The following MYBPC2 variants were observed in gnomAD, a reference collection of about 807,000 sequenced individuals.
The protein encoded by MYBPC2 is myosin binding protein C2.
MYBPC2 carries 122 observed loss-of-function variants against 137.0 expected under a neutral mutation model. That is an observed-to-expected ratio of 0.89 (90% CI 0.77 to 1.03). The LOEUF is 1.03. Ranked by LOEUF, MYBPC2 falls within the 50% of genes least tolerant of loss-of-function variation. MYBPC2 has a pLI of 0.00. For missense variants in MYBPC2, 1,500 were observed against 1,534.4 expected (o/e 0.98, Z 0.37); for synonymous variants, 626 against 612.3 (o/e 1.02, Z -0.33).
chr19:50,436,486 C>T (rs2039704685), intron 4 of MYBPC2, 131 bp from the exon 5 acceptor site: 7 of 843,194 alleles, frequency 8.3e-6, no homozygotes, highest in Non-Finnish European at 1.3e-5. Flanking sequence ...TGAGACCCCT[C>T]TCGGTCTCCA....
rs368448859 is a variant in MYBPC2, at chr19:50,459,214, G to C, written c.2699G>C (p.Arg900Pro). Residue 900 changes from arginine (R) to proline (P), a missense_variant, in exon 23 of 28, where the codon CGC becomes CCC. Transcript: ENST00000357701. ...TSDFDTVFFV[R>P]QAARSDSGEY... ...GACTTCGACACCGTGTTCTTCGTGC[G>C]CCAGGCGGCCCGCTCCGACTCCGGG... The C allele has an allele frequency of 2.3e-5, 37 of 1,610,718 alleles. No homozygotes were observed. Among genetic ancestry groups the C allele is most frequent in the Non-Finnish European group, 2.3e-5 (27 of 1,179,474 alleles).
chr19:50,461,005 A>AT (rs112521100), intron 24 of MYBPC2, among the ~76,000 whole-genome samples: 10,656 of 127,786 alleles, frequency 0.083, 443 homozygotes, highest in African/African-American at 0.14. Flanking sequence ...TTTCTTTTAA[A>AT]TTTTTTTTTT....
At position 50,461,718 on chromosome 19, in the gene MYBPC2, C is replaced by T. The variant is rs376871536; in HGVS notation, c.3091+17C>T. ...TCAAGACAGGTACAGCCATCCTGCCCCACAGCCCAGGCCCACCCCGTCCAC... is the reference window on the plus strand; with the variant it reads ...TCAAGACAGGTACAGCCATCCTGCCTCACAGCCCAGGCCCACCCCGTCCAC... On this transcript the variant is annotated intron_variant, in intron 25 of 27. Transcript: ENST00000357701. 12 of 1,612,994 alleles carry T rather than the reference C, an allele frequency of 7.4e-6. No individual in the cohort carries two copies. Among genetic ancestry groups the T allele is most frequent in the Non-Finnish European group, 1.0e-5 (12 of 1,179,682 alleles).
chr19:50,454,377 CCT>C lies in MYBPC2; in HGVS notation c.2014+11_2014+12del. 1 of 1,590,042 alleles carries C rather than the reference CCT, an allele frequency of 6.3e-7. No individual in the cohort carries two copies. On this transcript the variant is annotated intron_variant, in intron 18 of 27. Coordinates refer to ENST00000357701, the MANE Select transcript of MYBPC2 (RefSeq NM_004533.4). The stretch of plus-strand genomic sequence containing the variant: ...GGGGGAAGCCAGTCACCGGTGAGTG[CCT>C]CTGTCCTCATGACCTCTGACCTTCC...
chr19:50,457,672 T>C, intron 20 of MYBPC2, among the ~76,000 whole-genome samples: 1 of 135,792 alleles, frequency 7.4e-6, no homozygotes, highest in African/African-American at 2.9e-5. Flanking sequence ...CCATGGTACC[T>C]GGGGAAAGTT....
In MYBPC2 at chr19:50,440,977, A is replaced by G; in HGVS notation, c.670A>G (p.Ser224Gly). Residue 224 changes from serine to glycine, a missense_variant, in exon 8 of 28, where the codon AGC becomes GGC. Coordinates refer to ENST00000357701, the MANE Select transcript of MYBPC2 (RefSeq NM_004533.4). The stretch of plus-strand genomic sequence containing the variant: ...GGAGCTCCTGAAAGGGGCAAAGAAG[A>G]GCGAGTACGAGAAAATCGCCTTCCA... Reference protein sequence around the residue: ...IWELLKGAKKSEYEKIAFQYG... With the variant: ...IWELLKGAKKGEYEKIAFQYG... 1 of 1,613,642 alleles carries G rather than the reference A, an allele frequency of 6.2e-7. No homozygotes were observed. Among genetic ancestry groups the G allele is most frequent in the Non-Finnish European group, 8.5e-7 (1 of 1,179,760 alleles).
At chr19:50,447,795 TTCAGTGAGCCAAAA>T (rs2039819083) in intron 12 of MYBPC2, among the ~76,000 whole-genome samples, 1 of 151,992 alleles carries the variant, frequency 6.6e-6, no homozygotes, top group Non-Finnish European at 1.5e-5. Context: ...GGGTGGAGTT[TTCAGTGAGCCAAAA>T]TCACGCCATT....
rs201567534 is a variant in MYBPC2 at position 50,451,949 on chromosome 19, C to T, written c.1695C>T (p.Asp565=). Residue 565 remains aspartate (D), a synonymous_variant, in exon 16 of 28, where the codon GAC becomes GAT. Transcript: ENST00000357701. ...TGGCTGGAAACAAGCTGAGGCTTGA[C>T]GTGTCCATCACAGGGGAGCCCCCTC... ...VVVAGNKLRL[D]VSITGEPPPV... The T allele has an allele frequency of 4.4e-5, 68 of 1,562,552 alleles. No individual in the cohort carries two copies. The highest frequency in any genetic ancestry group is 2.6e-4 in the African/African-American group (19 of 73,750).
rs12327751 is a variant in MYBPC2 at position 50,465,633 on chromosome 19, G to A, written c.3416-562G>A. 5.3e-5 allele frequency among the ~76,000 whole-genome samples: 8 copies of A among 152,090 alleles called. No individual in the cohort carries two copies. The highest frequency in any genetic ancestry group is 1.4e-4 in the African/African-American group (6 of 41,464). ...AAGGCAGGCGAGTTGCTTGAGCCCA[G>A]GAGTTCAAGACCAGCCTGGGCAACA... On this transcript the variant is annotated intron_variant, in intron 27 of 27. Coordinates refer to ENST00000357701, the MANE Select transcript of MYBPC2 (RefSeq NM_004533.4). The surrounding 1 kb of genome is among the most constrained non-coding windows in gnomAD (Gnocchi z 4.5).
chr19:50,455,105 C>A lies in MYBPC2; in HGVS notation c.2015-3C>A. ...TCTTCTCCTCTCTGCTTGGAGCCTC[C>A]AGGGTACCTCGTAGAGCGGAAGAAG... On this transcript the variant is annotated splice_polypyrimidine_tract_variant and splice_region_variant and intron_variant, in intron 18 of 27. Coordinates refer to ENST00000357701, the MANE Select transcript of MYBPC2 (RefSeq NM_004533.4). The A allele has an allele frequency of 6.2e-7, 1 of 1,609,796 alleles. No homozygotes were observed. The highest frequency in any genetic ancestry group is 8.5e-7 in the Non-Finnish European group (1 of 1,178,334).
At chr19:50,462,134 G>A (rs935612303) in intron 26 of MYBPC2, 98 bp downstream of exon 26, 139 of 1,429,500 alleles carry the variant, frequency 9.7e-5, no homozygotes, top group East Asian at 7.9e-4. Context: ...CTTCTTCCCC[G>A]AGTTCTCTGT....
rs34373957 is a variant in MYBPC2, at chr19:50,448,331, G to C, written c.1413G>C (p.Trp471Cys). 1.9e-6 allele frequency: 3 copies of C among 1,613,814 alleles called. No individual in the cohort carries two copies. Among genetic ancestry groups the C allele is most frequent in the Middle Eastern group, 1.6e-4 (1 of 6,084 alleles). ...CTGATGAGAAAGTGACGGGCAAGTG[G>C]TATAAGAATGGGGTCGAGGTGCGGC... ...EVSDEKVTGKWYKNGVEVRPS... is the reference protein window; with the variant it reads ...EVSDEKVTGKCYKNGVEVRPS... The change falls in exon 13 of 28, where the codon TGG becomes TGC. Residue 471 changes from tryptophan to cysteine, a missense_variant. Transcript: ENST00000357701.
At chr19:50,452,116 A>C in intron 16 of MYBPC2, 113 bp downstream of exon 16, 2 of 1,218,414 alleles carry the variant, frequency 1.6e-6, no homozygotes, top group Non-Finnish European at 2.3e-6. Context: ...CCTTCTTCAC[A>C]GGGTTGTTTT....
At position 50,465,994 on chromosome 19, in the gene MYBPC2, A is replaced by C. The variant is rs1399566517; in HGVS notation, c.3416-201A>C. On this transcript the variant is annotated intron_variant, in intron 27 of 27. Transcript: ENST00000357701. The surrounding 1 kb of genome is among the most constrained non-coding windows in gnomAD (Gnocchi z 4.5). The stretch of plus-strand genomic sequence containing the variant: ...GACCGCGTACAGCCAGCAGCTCAGA[A>C]TGTCCCCATCTGGGATCCAAAATAC... Among the ~76,000 whole-genome samples the C allele has an allele frequency of 6.6e-6, 1 of 152,160 alleles. No individual in the cohort carries two copies. Among genetic ancestry groups the C allele is most frequent in the Non-Finnish European group, 1.5e-5 (1 of 68,024 alleles).
At chr19:50,459,052 GCCC>G in intron 22 of MYBPC2, 46 bp downstream of exon 22, 1 of 1,567,574 alleles carries the variant, frequency 6.4e-7, no homozygotes, top group Non-Finnish European at 8.6e-7. Context: ...CTCGCCGCAA[GCCC>G]CCTTTTTGCG....
chr19:50,444,168 A>T (rs2039781277), intron 11 of MYBPC2, among the ~76,000 whole-genome samples: 2 of 148,032 alleles, frequency 1.4e-5, no homozygotes, highest in Admixed American at 6.7e-5. Flanking sequence ...CCATCCATCC[A>T]TCCATCCATC....
Position 50,435,955 on chromosome 19 carries a change from G to T in MYBPC2, c.197-57G>T. ...GTCTCGTTCTGTCTCCCTCTGGAGAGCCTTATGTTCCTTCCTGGGCCTCCT... is the reference window on the plus strand; with the variant it reads ...GTCTCGTTCTGTCTCCCTCTGGAGATCCTTATGTTCCTTCCTGGGCCTCCT... On this transcript the variant is annotated intron_variant, in intron 3 of 27. Transcript: ENST00000357701. The surrounding 1 kb of genome is among the most constrained non-coding windows in gnomAD (Gnocchi z 4.8). 1.3e-6 allele frequency: 2 copies of T among 1,553,508 alleles called. No homozygotes were observed. The highest frequency in any genetic ancestry group is 1.7e-6 in the Non-Finnish European group (2 of 1,147,500).
chr19:50,434,002 C>A (rs187928706), intron 1 of MYBPC2, among the ~76,000 whole-genome samples: 4 of 152,226 alleles, frequency 2.6e-5, no homozygotes, highest in African/African-American at 9.6e-5. Context: ...GCTGTGATCA[C>A]GTCACTGCAC....
At chr19:50,438,371 A>T (rs561427230) in intron 7 of MYBPC2, among the ~76,000 whole-genome samples, 222 of 152,156 alleles carry the variant, frequency 1.5e-3, no homozygotes, top group African/African-American at 5.2e-3. Flanking sequence ...GTACGGATGA[A>T]TGCATGGTGG....
Sources: allele counts gnomAD v4.1 joint callset (sites outside exome capture counted in the v4.1 genomes callset), GRCh38; gene constraint gnomAD v4.1.1; non-coding constraint Gnocchi (gnomAD v3.1); transcripts MANE v1.5; gene names NCBI Gene and HGNC (gene_info 2026-07-23, HGNC 2026-07-21).